ZNF584: variants seen among roughly 807,000 people sequenced by gnomAD.
The protein encoded by ZNF584 is zinc finger protein 584.
Under a neutral mutation model 14.7 loss-of-function variants are expected in ZNF584, and 12 were observed. The ratio of observed to expected loss-of-function variants is 0.82; its 90% CI spans 0.52 to 1.32. ZNF584 has a LOEUF of 1.32. Among genes scored for constraint, ZNF584 ranks in the 40% most tolerant of loss-of-function variants. The probability of loss-of-function intolerance (pLI) is 0.00; values close to 1 mark genes in which losing one functional copy is unlikely to be tolerated. For missense variants in ZNF584, 478 were observed against 518.8 expected (o/e 0.92, Z 0.76); for synonymous variants, 204 against 190.9 (o/e 1.07, Z -0.57).
chr19:58,417,238 A>T lies in ZNF584; in HGVS notation c.720A>T (p.Lys240Asn), dbSNP rs1471720098. The T allele has an allele frequency of 6.2e-7, 1 of 1,614,088 alleles. No homozygotes were observed. The highest frequency in any genetic ancestry group is 8.5e-7 in the Non-Finnish European group (1 of 1,180,034). ...ACCAGAAGGTTCACACAGGCATAAA[A>T]CCTTTTAAGTGTAGTGACTGTGGTA... ...RKHQKVHTGIKPFKCSDCGKT... is the reference protein window; with the variant it reads ...RKHQKVHTGINPFKCSDCGKT... Residue 240 changes from lysine to asparagine, a missense_variant, in exon 4 of 4, where the codon AAA becomes AAT. Transcript: ENST00000306910.
chr19:58,407,934 T>C (rs1198239253), upstream of ZNF584, among the ~76,000 whole-genome samples: 4 of 152,180 alleles, frequency 2.6e-5, no homozygotes, highest in African/African-American at 9.7e-5. Context: ...TGGGGTAGAC[T>C]ACAAGCCTAC....
intron 2 of ZNF584, among the ~76,000 whole-genome samples, chr19:58,410,715 G>A (rs192611184): frequency 2.3e-5 from 1 of 43,402 alleles, no homozygotes; most frequent in Non-Finnish European, 3.8e-5. Context: ...GTATATATGT[G>A]TATATATATA....
chr19:58,412,199 C>CTTTTTTTTTTTTTTTTTTT lies in ZNF584; in HGVS notation c.169+2111_169+2129dup, dbSNP rs35188048. Among the ~76,000 whole-genome samples the CTTTTTTTTTTTTTTTTTTT allele has an allele frequency of 4.1e-4, 34 of 83,912 alleles. 1 individual carries two copies. The highest frequency in any genetic ancestry group is 1.7e-3 in the African/African-American group (29 of 17,006). The allele number at this position is 83,912 out of a possible 152,430, so 55.0% of individuals were successfully genotyped here. On this transcript the variant is annotated intron_variant, in intron 2 of 3. Coordinates refer to ENST00000306910, the MANE Select transcript of ZNF584 (RefSeq NM_173548.3). ...GTTTCACCATGTTGGCCAGGGTGGT[C>CTTTTTTTTTTTTTTTTTTT]TTTTTTTTTTTTTTTTTTTTTGAGA...
At chr19:58,406,170 C>A (rs1425045205), upstream of ZNF584, 2 of 158,198 alleles carry the variant, frequency 1.3e-5, no homozygotes, top group South Asian at 3.2e-4. Flanking sequence ...ACAGCGAAAC[C>A]CCGTCTCCAC....
chr19:58,416,048 C>G, intron 3 of ZNF584: 1 of 1,353,180 alleles, frequency 7.4e-7, no homozygotes. Flanking sequence ...GCTTGGCTGT[C>G]ACCAGCAGCC....
chr19:58,412,528 C>T (rs1489507896), intron 2 of ZNF584, among the ~76,000 whole-genome samples: 1 of 152,020 alleles, frequency 6.6e-6, no homozygotes, highest in Non-Finnish European at 1.5e-5. Flanking sequence ...TGGTCTTGAA[C>T]TCCCGACCTC....
At chr19:58,405,606 G>A (rs1475722362), upstream of ZNF584, 10 of 159,682 alleles carry the variant, frequency 6.3e-5, no homozygotes, top group Admixed American at 1.4e-4. Context: ...GCTGCCGGGC[G>A]GAGGGGCTCC....
At chr19:58,405,464 C>T, upstream of ZNF584, 1 of 158,896 alleles carries the variant, frequency 6.3e-6, no homozygotes, top group South Asian at 1.7e-4. Flanking sequence ...CACCTCCCTC[C>T]CGGACGAGGT....
rs371220460 is a variant in ZNF584, at chr19:58,417,523, C to T, written c.1005C>T (p.Tyr335=). Residue 335 remains tyrosine, a synonymous_variant, in exon 4 of 4, where the codon TAC becomes TAT. Coordinates refer to ENST00000306910, the MANE Select transcript of ZNF584 (RefSeq NM_173548.3). ...AATGCAAGCAATGTGGGAAAGGCTA[C>T]GTGACCCGTTCAGGCCTCTATCAGC... is the stretch of plus-strand genomic sequence containing the variant. ...PFECKQCGKG[Y]VTRSGLYQHW... is the part of the protein sequence containing the mutation. 208 of 1,614,190 alleles carry T rather than the reference C, an allele frequency of 1.3e-4. 2 individuals carry two copies. Among genetic ancestry groups the T allele is most frequent in the Admixed American group, 6.0e-4 (36 of 60,018 alleles).
At chr19:58,412,500 C>T (rs893920179) in intron 2 of ZNF584, among the ~76,000 whole-genome samples, 4 of 151,762 alleles carry the variant, frequency 2.6e-5, no homozygotes, top group South Asian at 2.1e-4. Flanking sequence ...TGAGCCACCA[C>T]GCCCGGCCTG....
intron 2 of ZNF584, among the ~76,000 whole-genome samples, chr19:58,412,505 G>A (rs1010965444): frequency 2.0e-5 from 3 of 151,430 alleles, no homozygotes; most frequent in Admixed American, 1.3e-4. Flanking sequence ...CACCACGCCC[G>A]GCCTGGCCAG....
At chr19:58,410,541 A>T (rs181731417) in intron 2 of ZNF584, among the ~76,000 whole-genome samples, 7 of 43,750 alleles carry the variant, frequency 1.6e-4, no homozygotes, top group South Asian at 5.3e-4. Context: ...ATATATATAT[A>T]TATATATATA....
chr19:58,402,585 G>C (rs113563853), intron 1 of ZNF584, among the ~76,000 whole-genome samples: 66 of 152,272 alleles, frequency 4.3e-4, no homozygotes, highest in Middle Eastern at 3.4e-3. Flanking sequence ...CACTTTGGGA[G>C]GCTGAGGTGG....
chr19:58,401,573 T>C (rs1358948663), exon 1 of ZNF584: 1 of 151,982 alleles, frequency 6.6e-6, no homozygotes, highest in Non-Finnish European at 1.5e-5. Context: ...GCACCAGCAC[T>C]CCGATGGCGC....
rs527488849 is a variant in ZNF584, at chr19:58,415,054, G to A, written c.170-470G>A. Among the ~76,000 whole-genome samples the A allele has an allele frequency of 1.1e-3, 129 of 116,152 alleles. 1 individual carries two copies. The highest frequency in any genetic ancestry group is 7.4e-3 in the Middle Eastern group (2 of 272). The allele number at this position is 116,152 out of a possible 152,430, so 76.2% of individuals were successfully genotyped here. A position where few individuals can be genotyped will look rare whatever the true frequency, so the allele number is the denominator to read the frequency against. ...ACTACAGGTGCCCGTCACCACATCC[G>A]CCTGATTTTTTTGTATTTTTAGTAG... On this transcript the variant is annotated intron_variant, in intron 2 of 3. Transcript: ENST00000306910.
In ZNF584 at chr19:58,418,015, T is replaced by A; in HGVS notation, c.*231T>A. The A allele has an allele frequency of 1.8e-6, 1 of 564,130 alleles. No individual in the cohort carries two copies. Among genetic ancestry groups the A allele is most frequent in the South Asian group, 2.3e-5 (1 of 44,296 alleles). 34.9% of individuals were successfully genotyped at this position (564,130 alleles called of 1,614,324 possible). On this transcript the variant is annotated 3_prime_UTR_variant, in exon 4 of 4. Transcript: ENST00000306910. ...GTTTATCCACCGCCATCCACCTCTA[T>A]CCACCCCATAAGGTCCCTACAGCAA...
In ZNF584 at chr19:58,417,830, G is replaced by T; in HGVS notation, c.*46G>T. 1 of 1,547,238 alleles carries T rather than the reference G, an allele frequency of 6.5e-7. No homozygotes were observed. Among genetic ancestry groups the T allele is most frequent in the South Asian group, 1.3e-5 (1 of 78,944 alleles). On this transcript the variant is annotated 3_prime_UTR_variant, in exon 4 of 4. Transcript: ENST00000306910. ...GTCTTATTCCAGAAAGGAGGTTAAG[G>T]AGAGTGGCCGTGAGAGTGCCATCCG...
intron 2 of ZNF584, among the ~76,000 whole-genome samples, chr19:58,411,536 A>AG: frequency 6.6e-6 from 1 of 151,732 alleles, no homozygotes; most frequent in Non-Finnish European, 1.5e-5. Flanking sequence ...CAAAAAAAAA[A>AG]AAGAAAAGAA....
intron 2 of ZNF584, among the ~76,000 whole-genome samples, chr19:58,410,956 T>G (rs1384572146): frequency 6.7e-6 from 1 of 150,288 alleles, no homozygotes; most frequent in East Asian, 2.0e-4. Context: ...CATGCCTGGC[T>G]AATTTTTGTA....
Sources: allele counts gnomAD v4.1 joint callset (sites outside exome capture counted in the v4.1 genomes callset), GRCh38; gene constraint gnomAD v4.1.1; transcripts MANE v1.5; gene names NCBI Gene and HGNC (gene_info 2026-07-23, HGNC 2026-07-21).